The following ODAD1 variants were observed in gnomAD, a reference collection of about 807,000 sequenced individuals.
The protein encoded by ODAD1 is outer dynein arm-docking complex subunit 1.
ODAD1 carries 49 observed loss-of-function variants against 67.2 expected under a neutral mutation model. The ratio of observed to expected loss-of-function variants is 0.73; its 90% confidence interval spans 0.58 to 0.92. ODAD1 has a LOEUF of 0.92. ODAD1 is among the 40% of genes least tolerant of loss of function. The pLI is 0.00. For synonymous variants in ODAD1, 345 were observed against 393.7 expected (o/e 0.88, Z 1.46); for missense variants, 897 against 953.7 (o/e 0.94, Z 0.78).
At chr19:48,308,306 C>G (rs959519812) in intron 7 of ODAD1, among the ~76,000 whole-genome samples, 1 of 152,084 alleles carries the variant, frequency 6.6e-6, no homozygotes, top group Non-Finnish European at 1.5e-5. Flanking sequence ...TCCCAAGTAG[C>G]TGGGATTACA....
chr19:48,318,446 C>A lies in ODAD1; in HGVS notation c.301G>T (p.Ala101Ser). 1 of 1,551,652 alleles carries A rather than the reference C, an allele frequency of 6.4e-7. No individual in the cohort carries two copies. The highest frequency in any genetic ancestry group is 8.7e-7 in the Non-Finnish European group (1 of 1,146,968). ...ENMDRLLKGRAQVQAEIEELQ... is the reference protein window; with the variant it reads ...ENMDRLLKGRSQVQAEIEELQ... ...TCCTCGATCTCCGCCTGCACCTGGG[C>A]CCGGCCCTTCAGCAGGCGGTCCATG... The change falls in exon 5 of 16, where the codon GCC (alanine) becomes TCC (serine). Residue 101 changes from alanine to serine, a missense_variant. Coordinates refer to ENST00000674294, the MANE Select transcript of ODAD1 (RefSeq NM_001364171.2).
chr19:48,300,175 G>A (rs1160419652), intron 12 of ODAD1, among the ~76,000 whole-genome samples: 4 of 151,946 alleles, frequency 2.6e-5, no homozygotes, highest in Non-Finnish European at 5.9e-5. Flanking sequence ...GCGTGGTGGC[G>A]GGCACCTGTA....
intron 5 of ODAD1, 21 bp from the exon 6 acceptor site, chr19:48,312,137 C>T (rs1183519030): frequency 6.5e-7 from 1 of 1,548,752 alleles, no homozygotes; most frequent in Non-Finnish European, 8.7e-7. Context: ...GAGGATGGTA[C>T]CTGTTTTTGG....
chr19:48,312,883 T>C (rs1968803473), intron 5 of ODAD1, among the ~76,000 whole-genome samples: 1 of 151,666 alleles, frequency 6.6e-6, no homozygotes, highest in Non-Finnish European at 1.5e-5. Flanking sequence ...CTTGATGACA[T>C]TAGTAGCCCT....
rs1361334349 is a variant in ODAD1 at position 48,298,300 on chromosome 19, G to A, written c.1281C>T (p.Ser427=). The change falls in exon 13 of 16, where the codon AGC becomes AGT. Residue 427 remains serine, a synonymous_variant. Coordinates refer to ENST00000674294, the MANE Select transcript of ODAD1 (RefSeq NM_001364171.2). ...LLFTKAHCDS[S]MIDDLLGVKT... is the part of the protein sequence containing the mutation. ...TGACCCCAAGGAGGTCATCGATCAT[G>A]CTGCTGTCGCAATGGGCCTTGGTGA... The A allele has an allele frequency of 5.0e-6, 8 of 1,614,112 alleles. No individual in the cohort carries two copies. Among genetic ancestry groups the A allele is most frequent in the Non-Finnish European group, 6.8e-6 (8 of 1,180,046 alleles).
chr19:48,303,471 G>T, intron 10 of ODAD1, 179 bp downstream of exon 10: 1 of 679,834 alleles, frequency 1.5e-6, no homozygotes. Flanking sequence ...GTGGGGAGGG[G>T]CAGAGACAGG....
chr19:48,298,463 G>T, intron 12 of ODAD1, 123 bp from the exon 13 acceptor site: 1 of 996,722 alleles, frequency 1.0e-6, no homozygotes. Context: ...GAGACCAAAA[G>T]GGAGTCACCC....
intron 12 of ODAD1, among the ~76,000 whole-genome samples, chr19:48,298,853 C>A (rs959487840): frequency 6.6e-6 from 1 of 152,196 alleles, no homozygotes; most frequent in Non-Finnish European, 1.5e-5. Flanking sequence ...CAGGGCCTCT[C>A]CCCACTGTGC....
intron 5 of ODAD1, 49 bp from the exon 6 acceptor site, chr19:48,312,165 A>T (rs1326051938): frequency 1.6e-5 from 24 of 1,484,248 alleles, no homozygotes; most frequent in Non-Finnish European, 2.1e-5. Flanking sequence ...AATGTGGGAG[A>T]GATTGAATGG....
rs1256801685 is a variant in ODAD1 at position 48,320,334 on chromosome 19, G to A, written c.35C>T (p.Ser12Phe). Residue 12 changes from serine (S) to phenylalanine (F), a missense_variant, in exon 3 of 16, where the codon TCC (serine) becomes TTC (phenylalanine). Ser to Phe is a radical substitution (Grantham distance 155). Transcript: ENST00000674294. ...CAGAAATGCCTCGCTTCCCTCCTCG[G>A]AGCGGGCGCTCCCTGCCAAGCGTCC... ...PLGRLAGSAR[S>F]EEGSEAFLEG... is the part of the protein sequence containing the mutation. 1 of 1,289,154 alleles carries A rather than the reference G, an allele frequency of 7.8e-7. No individual in the cohort carries two copies. Among genetic ancestry groups the A allele is most frequent in the African/African-American group, 1.5e-5 (1 of 65,992 alleles). The allele number at this position is 1,289,154 out of a possible 1,614,324, so 79.9% of individuals were successfully genotyped here. A position where few individuals can be genotyped will look rare whatever the true frequency, so the allele number is the denominator to read the frequency against.
rs778613549 is a variant in ODAD1, at chr19:48,298,005, G to T, written c.1497C>A (p.Asp499Glu). Residue 499 changes from aspartate (D) to glutamate (E), a missense_variant, in exon 14 of 16, where the codon GAC (aspartate) becomes GAA (glutamate). Physicochemically the swap from Asp to Glu is conservative, Grantham distance 45 (BLOSUM62 2). Transcript: ENST00000674294. ...PKKMAPLQPP[D>E]TLEDPPGFEA... ...CCTCCTGCCCTGCGCCTCACAGAGTGTCAGGGGGCTGAAGTGGGGCCATCT... is the reference window on the plus strand; with the variant it reads ...CCTCCTGCCCTGCGCCTCACAGAGTTTCAGGGGGCTGAAGTGGGGCCATCT... 6.2e-7 allele frequency: 1 copy of T among 1,612,150 alleles called. No individual in the cohort carries two copies. Among genetic ancestry groups the T allele is most frequent in the South Asian group, 1.1e-5 (1 of 91,038 alleles).
At position 48,303,279 on chromosome 19, in the gene ODAD1, GC is replaced by G. The variant is rs1968518431; in HGVS notation, c.989-185del. 12 of 633,182 alleles carry G rather than the reference GC, an allele frequency of 1.9e-5. No individual in the cohort carries two copies. In the East Asian group the frequency reaches 3.3e-4, roughly 17 times the overall value. 39.2% of individuals were successfully genotyped at this position (633,182 alleles called of 1,614,324 possible). The stretch of plus-strand genomic sequence containing the variant: ...AGACAAAGAGGTGTGGGAAGATACG[GC>G]AGGTGGGACACAGAAATACACAGCA... On this transcript the variant is annotated intron_variant, in intron 10 of 15. Transcript: ENST00000674294.
rs1404962041 is a variant in ODAD1, at chr19:48,321,883, G to A, written c.-269C>T. ...AGAAGGAGCGCTCAACACAGCCTCAGCGGTTCACTACGCAAGCGCGACCAA... is the reference window on the plus strand; with the variant it reads ...AGAAGGAGCGCTCAACACAGCCTCAACGGTTCACTACGCAAGCGCGACCAA... On this transcript the variant is annotated 5_prime_UTR_variant, in exon 1 of 16. Transcript: ENST00000674294. 7.5e-6 allele frequency: 3 copies of A among 398,284 alleles called. No individual in the cohort carries two copies. In the Admixed American group the frequency reaches 1.3e-4, roughly 18 times the overall value. The allele number at this position is 398,284 out of a possible 1,614,324, so 24.7% of individuals were successfully genotyped here.
intron 5 of ODAD1, among the ~76,000 whole-genome samples, chr19:48,317,950 G>A (rs1600874989): frequency 6.6e-6 from 1 of 152,038 alleles, no homozygotes; most frequent in South Asian, 2.1e-4. Flanking sequence ...GTGGGCACCT[G>A]TAGTCCCAGC....
At chr19:48,316,286 C>A (rs1219307405) in intron 5 of ODAD1, among the ~76,000 whole-genome samples, 2 of 151,660 alleles carry the variant, frequency 1.3e-5, no homozygotes, top group African/African-American at 4.9e-5. Context: ...GAGGCTGAGA[C>A]AGGAGAATGT....
chr19:48,302,903 C>T (rs374566612), intron 11 of ODAD1, 41 bp from the exon 12 acceptor site: 15 of 1,388,090 alleles, frequency 1.1e-5, no homozygotes, highest in African/African-American at 9.0e-5. Flanking sequence ...ATGGCAGCCT[C>T]GGGAGTTGGG....
chr19:48,296,875 G>A lies in ODAD1; in HGVS notation c.*101C>T, dbSNP rs1263194939. The A allele has an allele frequency of 1.9e-5, 28 of 1,439,540 alleles. No individual in the cohort carries two copies. Among genetic ancestry groups the A allele is most frequent in the Non-Finnish European group, 2.5e-5 (28 of 1,103,040 alleles). 89.2% of individuals were successfully genotyped at this position (1,439,540 alleles called of 1,614,324 possible). A position where few individuals can be genotyped will look rare whatever the true frequency, so the allele number is the denominator to read the frequency against. ...CAAAAAGACAGAGGCCTGCCACTGG[G>A]AGAAAAAGACAGAGACCCACAAGGC... On this transcript the variant is annotated 3_prime_UTR_variant, in exon 16 of 16. Coordinates refer to ENST00000674294, the MANE Select transcript of ODAD1 (RefSeq NM_001364171.2).
At chr19:48,299,207 G>A (rs1425365014) in intron 12 of ODAD1, among the ~76,000 whole-genome samples, 1 of 152,158 alleles carries the variant, frequency 6.6e-6, no homozygotes, top group Non-Finnish European at 1.5e-5. Flanking sequence ...TCAGGAGTTT[G>A]AGACCAGCCT....
Position 48,303,076 on chromosome 19 carries a change from A to G in ODAD1, c.1008T>C (p.Ala336=). The G allele has an allele frequency of 1.2e-6, 2 of 1,614,098 alleles. No individual in the cohort carries two copies. Among genetic ancestry groups the G allele is most frequent in the East Asian group, 2.2e-5 (1 of 44,878 alleles). ...KYLEIEERNF[A]EFNFINEQNL... ...TCTGCTCGTTGATGAAGTTGAACTC[A>G]GCAAAGTTGCGCTCCTCGACTGGGA... is the stretch of plus-strand genomic sequence containing the variant. Residue 336 remains alanine (A), a synonymous_variant, in exon 11 of 16, where the codon GCT becomes GCC. Coordinates refer to ENST00000674294, the MANE Select transcript of ODAD1 (RefSeq NM_001364171.2).
Sources: allele counts gnomAD v4.1 joint callset (sites outside exome capture counted in the v4.1 genomes callset), GRCh38; gene constraint gnomAD v4.1.1; transcripts MANE v1.5; gene names NCBI Gene and HGNC (gene_info 2026-07-23, HGNC 2026-07-21).